The following PPM1A variants were observed in gnomAD, a reference collection of about 807,000 sequenced individuals.
PPM1A encodes the protein protein phosphatase 1A.
PPM1A carries 7 observed loss-of-function variants against 35.0 expected under a neutral mutation model. The observed-to-expected ratio is 0.20, with a 90% confidence interval of 0.11 to 0.38. PPM1A has a LOEUF of 0.38. Ranked by LOEUF, PPM1A falls within the 10% of genes least tolerant of loss-of-function variation. PPM1A has a pLI of 1.00. For missense variants in PPM1A, 239 were observed against 467.8 expected (o/e 0.51, Z 4.51); for synonymous variants, 153 against 167.3 (o/e 0.91, Z 0.66).
rs945170875 is a variant in PPM1A at position 60,273,943 on chromosome 14, A to G, written c.-20-8741A>G. 1.8e-4 allele frequency among the ~76,000 whole-genome samples: 28 copies of G among 152,208 alleles called. No individual in the cohort carries two copies. The highest frequency in any genetic ancestry group is 6.5e-4 in the African/African-American group (27 of 41,446). The stretch of plus-strand genomic sequence containing the variant: ...CAGCCTCCAAGCAGTTGGGACTACA[A>G]GTATGCAACACCGCACCCAGTGAAT... On this transcript the variant is annotated intron_variant, in intron 1 of 5. Transcript: ENST00000395076. This position sits in a 1 kb window ranked among gnomAD's most constrained non-coding sequence, Gnocchi z 4.3.
At chr14:60,250,467 A>G in intron 1 of PPM1A, 1 of 976,184 alleles carries the variant, frequency 1.0e-6, no homozygotes, top group South Asian at 4.7e-5. Flanking sequence ...CGTTTTGAAA[A>G]TTTCATCACC....
In PPM1A at chr14:60,295,242, A is replaced by G. The variant is rs1433267248; in HGVS notation, c.*2760A>G. 1.3e-5 allele frequency: 2 copies of G among 151,790 alleles called. No individual in the cohort carries two copies. Among genetic ancestry groups the G allele is most frequent in the East Asian group, 3.8e-4 (2 of 5,198 alleles). 9.4% of individuals were successfully genotyped at this position (151,790 alleles called of 1,614,324 possible). On this transcript the variant is annotated 3_prime_UTR_variant, in exon 6 of 6. Coordinates refer to ENST00000395076, the MANE Select transcript of PPM1A (RefSeq NM_021003.5). Reference sequence around the variant, plus strand: ...CTCTGTTTTACCCTAACATTAAAAAATTTCACTGATCTTTCTTTCATTAAC... The same window carrying G: ...CTCTGTTTTACCCTAACATTAAAAAGTTTCACTGATCTTTCTTTCATTAAC...
chr14:60,286,845 G>T, intron 3 of PPM1A: 4 of 983,240 alleles, frequency 4.1e-6, no homozygotes, highest in Non-Finnish European at 4.8e-6. Flanking sequence ...ATTTAGTATT[G>T]CATTCATTGG....
At chr14:60,274,732 A>G (rs951004832) in intron 1 of PPM1A, among the ~76,000 whole-genome samples, 3 of 150,522 alleles carry the variant, frequency 2.0e-5, no homozygotes, top group Non-Finnish European at 3.0e-5. Context: ...CATTGTCTCT[A>G]TTGCAATTTT....
upstream of PPM1A, among the ~76,000 whole-genome samples, chr14:60,246,604 G>A (rs1490383991): frequency 1.3e-5 from 2 of 152,076 alleles, no homozygotes; most frequent in Admixed American, 1.3e-4. Flanking sequence ...CAGTTCAGAA[G>A]AGAACTTTCA....
chr14:60,277,047 C>G, intron 1 of PPM1A: 1 of 1,211,762 alleles, frequency 8.3e-7, no homozygotes, highest in Non-Finnish European at 1.1e-6. Context: ...AATACTAGTG[C>G]TGTGATGAGA....
intron 2 of PPM1A, among the ~76,000 whole-genome samples, chr14:60,285,119 A>G (rs998383556): frequency 2.6e-5 from 4 of 152,288 alleles, no homozygotes; most frequent in East Asian, 1.9e-4. Flanking sequence ...CTCTTATTTC[A>G]TATTTCTACT....
At chr14:60,264,934 A>AT (rs1307693641) in intron 1 of PPM1A, among the ~76,000 whole-genome samples, 4 of 151,492 alleles carry the variant, frequency 2.6e-5, no homozygotes, top group African/African-American at 7.3e-5. Context: ...TCAGATTGTC[A>AT]TTTTTTCTTC....
intron 1 of PPM1A, among the ~76,000 whole-genome samples, chr14:60,258,158 G>A (rs1314509300): frequency 6.6e-6 from 1 of 151,864 alleles, no homozygotes; most frequent in Non-Finnish European, 1.5e-5. Flanking sequence ...GATCTTTTCT[G>A]GTTTGCTACA....
At position 60,296,985 on chromosome 14, in the gene PPM1A, A is replaced by C. The variant is rs1888106037; in HGVS notation, c.*4503A>C. Reference sequence around the variant, plus strand: ...AATTAGAAAAACTTAGATGGTATTGAAATTACAGTTGACAACTTATATTTT... The same window carrying C: ...AATTAGAAAAACTTAGATGGTATTGCAATTACAGTTGACAACTTATATTTT... On this transcript the variant is annotated 3_prime_UTR_variant, in exon 6 of 6. Coordinates refer to ENST00000395076, the MANE Select transcript of PPM1A (RefSeq NM_021003.5). The surrounding 1 kb of genome is among the most constrained non-coding windows in gnomAD (Gnocchi z 4.4). 4.4e-6 allele frequency: 1 copy of C among 226,558 alleles called. No individual in the cohort carries two copies. Among genetic ancestry groups the C allele is most frequent in the Non-Finnish European group, 8.5e-6 (1 of 118,304 alleles). 14.0% of individuals were successfully genotyped at this position (226,558 alleles called of 1,614,324 possible).
At chr14:60,281,890 A>T (rs1392152349) in intron 1 of PPM1A, among the ~76,000 whole-genome samples, 1 of 151,630 alleles carries the variant, frequency 6.6e-6, no homozygotes, top group Non-Finnish European at 1.5e-5. Flanking sequence ...TTACTATATG[A>T]TTAATAGATT....
upstream of PPM1A, among the ~76,000 whole-genome samples, chr14:60,246,654 C>T (rs1212913024): frequency 6.6e-6 from 1 of 152,012 alleles, no homozygotes; most frequent in East Asian, 1.9e-4. Flanking sequence ...TCTATCTGTC[C>T]CCCCTTCTTA....
intron 1 of PPM1A, among the ~76,000 whole-genome samples, chr14:60,260,295 G>T (rs972738437): frequency 6.6e-6 from 1 of 151,992 alleles, no homozygotes; most frequent in Non-Finnish European, 1.5e-5. Context: ...ATTGTTGGAG[G>T]AGGGTAAGTA....
chr14:60,286,584 A>G (rs193142710), intron 3 of PPM1A: 1 of 985,288 alleles, frequency 1.0e-6, no homozygotes, highest in Admixed American at 6.1e-5. Flanking sequence ...TAATGTCGTT[A>G]ATTTGCACGT....
chr14:60,247,986 G>A (rs1881899580), upstream of PPM1A, among the ~76,000 whole-genome samples: 1 of 152,126 alleles, frequency 6.6e-6, no homozygotes, highest in African/African-American at 2.4e-5. Context: ...TTAAAAATAC[G>A]GACTTTTCTT....
chr14:60,277,924 C>G (rs534451686), intron 1 of PPM1A, among the ~76,000 whole-genome samples: 1 of 152,280 alleles, frequency 6.6e-6, no homozygotes, highest in South Asian at 2.1e-4. Flanking sequence ...CAACCTTGCT[C>G]CCTCATCCTA....
upstream of PPM1A, among the ~76,000 whole-genome samples, chr14:60,247,533 G>T (rs1005191478): frequency 1.4e-4 from 21 of 150,980 alleles, no homozygotes; most frequent in African/African-American, 4.6e-4. Flanking sequence ...GGGAGGCTGA[G>T]GCAGGAGAAT....
At position 60,295,109 on chromosome 14, in the gene PPM1A, G is replaced by A. The variant is rs1887957145; in HGVS notation, c.*2627G>A. The A allele has an allele frequency of 6.6e-6, 1 of 151,612 alleles. No homozygotes were observed. The highest frequency in any genetic ancestry group is 1.5e-5 in the Non-Finnish European group (1 of 67,722). 9.4% of individuals were successfully genotyped at this position (151,612 alleles called of 1,614,324 possible). A position where few individuals can be genotyped will look rare whatever the true frequency, so the allele number is the denominator to read the frequency against. On this transcript the variant is annotated 3_prime_UTR_variant, in exon 6 of 6. Coordinates refer to ENST00000395076, the MANE Select transcript of PPM1A (RefSeq NM_021003.5). ...AATGTTTGATGTGTTCTGTTCTTTG[G>A]AGGGAAAAAGTTCTTATGTGATGAT... is the stretch of plus-strand genomic sequence containing the variant.
chr14:60,263,652 C>T (rs1884033280), intron 1 of PPM1A, among the ~76,000 whole-genome samples: 1 of 152,138 alleles, frequency 6.6e-6, no homozygotes, highest in Non-Finnish European at 1.5e-5. Flanking sequence ...GGTAGTTTTT[C>T]AACCCTCACC....
Sources: allele counts gnomAD v4.1 joint callset (sites outside exome capture counted in the v4.1 genomes callset), GRCh38; gene constraint gnomAD v4.1.1; non-coding constraint Gnocchi (gnomAD v3.1); transcripts MANE v1.5; gene names NCBI Gene and HGNC (gene_info 2026-07-23, HGNC 2026-07-21).